KCNT2: variants seen among roughly 807,000 people sequenced by gnomAD.
The protein encoded by KCNT2 is potassium channel subfamily T member 2.
KCNT2 carries 67 observed loss-of-function variants against 153.8 expected under a neutral mutation model. The ratio of observed to expected loss-of-function variants is 0.44; its 90% CI spans 0.36 to 0.53. The LOEUF (loss-of-function observed/expected upper bound fraction) is 0.53, where lower values mean the gene tolerates loss of function less well. KCNT2 is among the 20% of genes least tolerant of loss of function. The probability of loss-of-function intolerance (pLI) is 0.00; values close to 1 mark genes in which losing one functional copy is unlikely to be tolerated. For synonymous variants in KCNT2, 500 were observed against 458.8 expected (o/e 1.09, Z -1.15); for missense variants, 975 against 1,354.8 (o/e 0.72, Z 4.40).
At chr1:196,348,140 G>A (rs1437593488) in intron 14 of KCNT2, among the ~76,000 whole-genome samples, 4 of 151,092 alleles carry the variant, frequency 2.6e-5, no homozygotes, top group Non-Finnish European at 4.4e-5. Context: ...AATTCCTTTT[G>A]CCTTCACCAG....
intron 1 of KCNT2, among the ~76,000 whole-genome samples, chr1:196,580,880 C>A (rs2148975062): frequency 6.6e-6 from 1 of 152,268 alleles, no homozygotes; most frequent in Admixed American, 6.5e-5. Context: ...GAAAAGCTGA[C>A]AAGGTGAAGG....
At chr1:196,549,805 A>C (rs1486382934) in intron 1 of KCNT2, among the ~76,000 whole-genome samples, 1 of 151,964 alleles carries the variant, frequency 6.6e-6, no homozygotes, top group Non-Finnish European at 1.5e-5. Context: ...GAGTCTGAGT[A>C]TAATGATGGA....
intron 26 of KCNT2, chr1:196,257,613 A>C: frequency 2.1e-6 from 2 of 932,218 alleles, no homozygotes; most frequent in Non-Finnish European, 1.3e-6. Context: ...TTATTTATTT[A>C]AGCTGTGTCT....
intron 1 of KCNT2, among the ~76,000 whole-genome samples, chr1:196,579,514 G>A (rs1232776250): frequency 6.6e-6 from 1 of 151,232 alleles, no homozygotes; most frequent in Non-Finnish European, 1.5e-5. Context: ...TTTTTTTTGA[G>A]ATGCAGTCTC....
At chr1:196,359,813 G>A (rs1353297522) in intron 14 of KCNT2, among the ~76,000 whole-genome samples, 4 of 151,476 alleles carry the variant, frequency 2.6e-5, no homozygotes, top group South Asian at 4.2e-4. Flanking sequence ...TGTAGAAGGC[G>A]GAAACCACAA....
At chr1:196,457,399 C>A (rs1319217731) in intron 8 of KCNT2, among the ~76,000 whole-genome samples, 1 of 151,120 alleles carries the variant, frequency 6.6e-6, no homozygotes, top group African/African-American at 2.4e-5. Context: ...AGTTAAATGA[C>A]ATGAAGTTAT....
rs552238340 is a variant in KCNT2, at chr1:196,328,038, A to T, written c.2104-1149T>A. 1.1e-4 allele frequency among the ~76,000 whole-genome samples: 17 copies of T among 152,296 alleles called. No individual in the cohort carries two copies. The South Asian group carries it at 3.5e-3, about 32-fold the overall frequency. On this transcript the variant is annotated intron_variant, in intron 18 of 27. Coordinates refer to ENST00000294725, the MANE Select transcript of KCNT2 (RefSeq NM_198503.5). The stretch of plus-strand genomic sequence containing the variant: ...AAACAGAAATAATCATAACAAGATA[A>T]CTAGACCCACAAAGACTACGAATTT...
At chr1:196,392,711 G>T (rs1670594364) in intron 13 of KCNT2, among the ~76,000 whole-genome samples, 1 of 151,310 alleles carries the variant, frequency 6.6e-6, no homozygotes, top group African/African-American at 2.4e-5. Context: ...TGATGGCTAA[G>T]CTGAGCAAAA....
At chr1:196,567,186 C>T (rs1660214521) in intron 1 of KCNT2, among the ~76,000 whole-genome samples, 1 of 152,038 alleles carries the variant, frequency 6.6e-6, no homozygotes, top group Non-Finnish European at 1.5e-5. Context: ...CCATATCTCT[C>T]ACTCCTCCTC....
chr1:196,410,296 T>C (rs968966375), intron 12 of KCNT2, among the ~76,000 whole-genome samples: 13 of 151,718 alleles, frequency 8.6e-5, no homozygotes, highest in Admixed American at 1.3e-4. Context: ...TTTGATTTTG[T>C]CCTTTGCTAT....
chr1:196,373,679 A>C (rs1668714741), intron 13 of KCNT2, among the ~76,000 whole-genome samples: 1 of 151,938 alleles, frequency 6.6e-6, no homozygotes, highest in African/African-American at 2.4e-5. Context: ...GATATATCAA[A>C]TTCATAATGA....
chr1:196,604,385 G>A (rs910231670), intron 1 of KCNT2, among the ~76,000 whole-genome samples: 6 of 152,164 alleles, frequency 3.9e-5, no homozygotes, highest in African/African-American at 1.4e-4. Context: ...AATATTAGCT[G>A]AATGAATGAA....
At chr1:196,352,374 A>T (rs1666790807) in intron 14 of KCNT2, among the ~76,000 whole-genome samples, 2 of 152,006 alleles carry the variant, frequency 1.3e-5, no homozygotes, top group Non-Finnish European at 2.9e-5. Flanking sequence ...TTATTGCCAC[A>T]ATTTCAGATC....
chr1:196,463,868 A>T (rs768894681), intron 8 of KCNT2, among the ~76,000 whole-genome samples: 8 of 151,836 alleles, frequency 5.3e-5, no homozygotes, highest in Non-Finnish European at 8.8e-5. Context: ...ATTTATTGTG[A>T]TGAAGATGCC....
At chr1:196,470,608 G>T (rs1437744190) in intron 5 of KCNT2, among the ~76,000 whole-genome samples, 1 of 152,078 alleles carries the variant, frequency 6.6e-6, no homozygotes, top group Non-Finnish European at 1.5e-5. Context: ...TGGGAGAAAG[G>T]GCCAGAGCTT....
At chr1:196,238,251 T>C (rs906081956) in intron 26 of KCNT2, among the ~76,000 whole-genome samples, 5 of 151,940 alleles carry the variant, frequency 3.3e-5, no homozygotes, top group African/African-American at 1.2e-4. Context: ...TGACCTGGCT[T>C]GCCTGTTAAA....
intron 25 of KCNT2, among the ~76,000 whole-genome samples, chr1:196,267,880 C>A (rs1657700532): frequency 6.6e-6 from 1 of 152,154 alleles, no homozygotes; most frequent in South Asian, 2.1e-4. Flanking sequence ...CTATCCTCAG[C>A]CCCTTGTCAT....
chr1:196,544,282 T>G (rs1656770246), intron 1 of KCNT2, among the ~76,000 whole-genome samples: 1 of 151,976 alleles, frequency 6.6e-6, no homozygotes, highest in Non-Finnish European at 1.5e-5. Context: ...ATAGCCACCA[T>G]CATTTGTAAA....
At chr1:196,231,824 G>A (rs989089250) in intron 27 of KCNT2, among the ~76,000 whole-genome samples, 2 of 151,770 alleles carry the variant, frequency 1.3e-5, no homozygotes, top group African/African-American at 2.4e-5. Context: ...TGTTTTAAAG[G>A]CAGTAGGAAG....
Sources: allele counts gnomAD v4.1 joint callset (sites outside exome capture counted in the v4.1 genomes callset), GRCh38; gene constraint gnomAD v4.1.1; transcripts MANE v1.5; gene names NCBI Gene and HGNC (gene_info 2026-07-23, HGNC 2026-07-21).